The following MAGI2 variants were observed in gnomAD, a reference collection of about 807,000 sequenced individuals.
MAGI2 encodes the protein membrane associated guanylate kinase, WW and PDZ domain containing 2, also known as membrane-associated guanylate kinase, WW and PDZ domain-containing protein 2.
Under a neutral mutation model 133.3 loss-of-function variants are expected in MAGI2, and 35 were observed. The ratio of observed to expected loss-of-function variants is 0.26; its 90% confidence interval spans 0.20 to 0.35. The LOEUF (loss-of-function observed/expected upper bound fraction) is 0.35. MAGI2 is among the 10% of genes least tolerant of loss of function. The probability of loss-of-function intolerance (pLI) is 1.00; values close to 1 mark genes in which losing one functional copy is unlikely to be tolerated. For missense variants in MAGI2, 1,636 were observed against 1,863.4 expected (o/e 0.88, Z 2.25); for synonymous variants, 729 against 710.6 (o/e 1.03, Z -0.41).
intron 6 of MAGI2, among the ~76,000 whole-genome samples, chr7:78,463,343 G>T (rs1584255395): frequency 6.6e-6 from 1 of 152,188 alleles, no homozygotes; most frequent in African/African-American, 2.4e-5. Flanking sequence ...AGAACAGAGT[G>T]CATAGATTAA....
intron 2 of MAGI2, among the ~76,000 whole-genome samples, chr7:78,777,152 C>T (rs1439200304): frequency 6.6e-6 from 1 of 152,138 alleles, no homozygotes; most frequent in East Asian, 1.9e-4. Flanking sequence ...TTGATTACCC[C>T]ATTCTAAGAG....
intron 2 of MAGI2, among the ~76,000 whole-genome samples, chr7:78,869,299 A>C (rs867208314): frequency 6.6e-6 from 1 of 152,186 alleles, no homozygotes; most frequent in Admixed American, 6.5e-5. Flanking sequence ...CTCTTTGCCT[A>C]TGCCAACATC....
intron 9 of MAGI2, among the ~76,000 whole-genome samples, chr7:78,272,435 T>C (rs1794673380): frequency 6.6e-6 from 1 of 152,108 alleles, no homozygotes; most frequent in African/African-American, 2.4e-5. Flanking sequence ...AGGTGGAGAG[T>C]TCTGTAGATG....
At chr7:78,940,889 G>A (rs1428195466) in intron 2 of MAGI2, 2 of 152,172 alleles carry the variant, frequency 1.3e-5, no homozygotes, top group African/African-American at 4.8e-5. Flanking sequence ...GCCTCTTCTG[G>A]AAGTGGATTA....
chr7:78,835,352 A>G (rs2151450954), intron 2 of MAGI2, among the ~76,000 whole-genome samples: 1 of 152,358 alleles, frequency 6.6e-6, no homozygotes, highest in Non-Finnish European at 1.5e-5. Context: ...TAATTCTATA[A>G]GAGCAGTTAA....
intron 1 of MAGI2, among the ~76,000 whole-genome samples, chr7:79,445,812 C>T (rs1042341747): frequency 2.6e-5 from 4 of 152,216 alleles, no homozygotes; most frequent in African/African-American, 7.2e-5. Flanking sequence ...CATCCAATTA[C>T]TGGGTATATA....
At chr7:78,936,671 C>A (rs977000105) in intron 2 of MAGI2, among the ~76,000 whole-genome samples, 1 of 151,910 alleles carries the variant, frequency 6.6e-6, no homozygotes, top group Non-Finnish European at 1.5e-5. Flanking sequence ...ATAATGATAG[C>A]TTAGCAATTC....
chr7:78,889,639 G>A (rs1796571497), intron 2 of MAGI2, among the ~76,000 whole-genome samples: 1 of 152,132 alleles, frequency 6.6e-6, no homozygotes, highest in Non-Finnish European at 1.5e-5. Flanking sequence ...AGCTTCATAA[G>A]TGAAGGAGAA....
At chr7:78,642,516 C>T (rs1432026231) in intron 2 of MAGI2, among the ~76,000 whole-genome samples, 1 of 152,052 alleles carries the variant, frequency 6.6e-6, no homozygotes, top group Non-Finnish European at 1.5e-5. Flanking sequence ...TTTAGGAGCC[C>T]TCAATTTTTT....
In MAGI2 at chr7:78,077,725, GTT is replaced by G. The variant is rs538030969; in HGVS notation, c.3706+1220_3706+1221del. On this transcript the variant is annotated intron_variant, in intron 21 of 21. Coordinates refer to ENST00000354212, the MANE Select transcript of MAGI2 (RefSeq NM_012301.4). The stretch of plus-strand genomic sequence containing the variant: ...TGAAATGAAAAGTACTCTTTAGAAT[GTT>G]TTTTTTTTTTTTTTTTTTTGAGACA... Among the ~76,000 whole-genome samples the G allele has an allele frequency of 9.6e-4, 97 of 101,232 alleles. 1 individual carries two copies. The highest frequency in any genetic ancestry group is 3.7e-3 in the African/African-American group (91 of 24,896). 66.4% of individuals were successfully genotyped at this position (101,232 alleles called of 152,430 possible).
chr7:78,870,502 C>A (rs1794947395), intron 2 of MAGI2, among the ~76,000 whole-genome samples: 1 of 152,044 alleles, frequency 6.6e-6, no homozygotes, highest in Admixed American at 6.6e-5. Flanking sequence ...AATGAGATAC[C>A]ACTTTACTCC....
chr7:78,913,641 T>C (rs543730573), intron 2 of MAGI2, among the ~76,000 whole-genome samples: 1 of 152,324 alleles, frequency 6.6e-6, no homozygotes, highest in Non-Finnish European at 1.5e-5. Context: ...CTAAAGACTC[T>C]GTTTATTCTT....
At chr7:78,367,986 G>C (rs1479118119) in intron 7 of MAGI2, among the ~76,000 whole-genome samples, 4 of 152,124 alleles carry the variant, frequency 2.6e-5, no homozygotes, top group African/African-American at 9.7e-5. Context: ...CAGTGTCCAT[G>C]TGACACCATA....
At chr7:78,847,550 C>T (rs1355732059) in intron 2 of MAGI2, among the ~76,000 whole-genome samples, 2 of 151,950 alleles carry the variant, frequency 1.3e-5, no homozygotes, top group Admixed American at 6.6e-5. Context: ...AATGATAAAT[C>T]CATGTAATGT....
At chr7:78,614,292 A>G (rs2150920750) in intron 3 of MAGI2, 1 of 151,844 alleles carries the variant, frequency 6.6e-6, no homozygotes, top group Non-Finnish European at 1.5e-5. Flanking sequence ...TGAAAGAAAA[A>G]AAAAAAAAAA....
intron 1 of MAGI2, among the ~76,000 whole-genome samples, chr7:79,187,163 A>G (rs891836473): frequency 6.6e-6 from 1 of 151,742 alleles, no homozygotes; most frequent in African/African-American, 2.4e-5. Flanking sequence ...GATTTTCAAT[A>G]TAATGAATAA....
chr7:78,761,885 C>A (rs1563469953), intron 2 of MAGI2, among the ~76,000 whole-genome samples: 1 of 151,998 alleles, frequency 6.6e-6, no homozygotes, highest in African/African-American at 2.4e-5. Context: ...GATAAGACAT[C>A]TCTCCTCACC....
At chr7:78,159,832 C>T in intron 16 of MAGI2, 193 bp downstream of exon 16, 1 of 529,242 alleles carries the variant, frequency 1.9e-6, no homozygotes, top group South Asian at 5.8e-5. Flanking sequence ...TTCTTGCCTT[C>T]TTCTTGAGCC....
chr7:78,954,840 G>A (rs1216710049), intron 2 of MAGI2, among the ~76,000 whole-genome samples: 1 of 151,988 alleles, frequency 6.6e-6, no homozygotes, highest in African/African-American at 2.4e-5. Flanking sequence ...ATTCTTGTAG[G>A]TTTTGCTTAT....
Sources: gnomAD v4.1 joint callset for allele counts (sites outside exome capture counted in the v4.1 genomes callset) on GRCh38, gnomAD v4.1.1 for gene constraint, MANE v1.5 for transcripts, NCBI Gene and HGNC (gene_info 2026-07-23, HGNC 2026-07-21) for gene names.